The following IPO13 variants were observed in gnomAD, a reference collection of about 807,000 sequenced individuals.
IPO13 encodes the protein importin-13.
In IPO13, 28 loss-of-function variants were observed where a neutral mutation model predicts 115.5. The ratio of observed to expected loss-of-function variants is 0.24; its 90% CI spans 0.18 to 0.33. The LOEUF (loss-of-function observed/expected upper bound fraction) is 0.33, where lower values mean the gene tolerates loss of function less well. IPO13 is among the 10% of genes least tolerant of loss of function. IPO13 has a pLI of 1.00. For synonymous variants in IPO13, 414 were observed against 478.9 expected (o/e 0.86, Z 1.77); for missense variants, 785 against 1,204.6 (o/e 0.65, Z 5.16).
rs1217190768 is a variant in IPO13, at chr1:43,956,449, GA to G, written c.953del (p.Asn318ThrfsTer10). The G allele has an allele frequency of 6.2e-7, 1 of 1,614,170 alleles. No homozygotes were observed. Among genetic ancestry groups the G allele is most frequent in the Non-Finnish European group, 8.5e-7 (1 of 1,180,032 alleles). ...GTCGCATCGCTGTGGCCCTGGGCGAGAACCACTCCCGGTAAAGGGTGGAGCA... is the reference window on the plus strand; with the variant it reads ...GTCGCATCGCTGTGGCCCTGGGCGAGACCACTCCCGGTAAAGGGTGGAGCA... Reference protein sequence around the residue: ...ICRIAVALGENHSRALLDQVE... With the variant: ...ICRIAVALGEXHSRALLDQVE... On this transcript the variant is annotated frameshift_variant, in exon 3 of 20. Transcript: ENST00000372343. LOFTEE classifies it high-confidence loss of function. This position sits in a 1 kb window ranked among gnomAD's most constrained non-coding sequence, Gnocchi z 4.7.
Position 43,950,133 on chromosome 1 carries a change from C to CT in IPO13, c.802dup (p.Ser268PhefsTer4). On this transcript the variant is annotated frameshift_variant, in exon 2 of 20. Transcript: ENST00000372343. LOFTEE classifies it high-confidence loss of function. ...GTGTGGAGGCCATTGTGAATGCCAT[C>CT]TCACAGCCTGATGCCCAGAGGTGAG... The CT allele has an allele frequency of 6.2e-7, 1 of 1,610,756 alleles. No individual in the cohort carries two copies. The highest frequency in any genetic ancestry group is 8.5e-7 in the Non-Finnish European group (1 of 1,177,784).
In IPO13 at chr1:43,956,519, G is replaced by A; in HGVS notation, c.963-41G>A. The A allele has an allele frequency of 1.2e-6, 2 of 1,614,054 alleles. No individual in the cohort carries two copies. Among genetic ancestry groups the A allele is most frequent in the East Asian group, 4.5e-5 (2 of 44,884 alleles). Reference sequence around the variant, plus strand: ...GGGCCCTCTAAGAAATGGGGTTCTGGAAGTCCCTGGAAAGGTAGAATGACC... The same window carrying A: ...GGGCCCTCTAAGAAATGGGGTTCTGAAAGTCCCTGGAAAGGTAGAATGACC... On this transcript the variant is annotated intron_variant, in intron 3 of 19. Coordinates refer to ENST00000372343, the MANE Select transcript of IPO13 (RefSeq NM_014652.4). This position sits in a 1 kb window ranked among gnomAD's most constrained non-coding sequence, Gnocchi z 4.7.
Position 43,956,913 on chromosome 1 carries a change from TC to T in IPO13, c.1211del (p.Pro404LeufsTer123). ...GATGTGCTTCTGCACAAGGCCCAGT[TC>T]CCTTCTGATGAGGAATATGGATTCT... Reference protein sequence around the residue: ...LVDVLLHKAQFPSDEEYGFWS... With the variant: ...LVDVLLHKAQXPSDEEYGFWS... On this transcript the variant is annotated frameshift_variant, in exon 5 of 20. Transcript: ENST00000372343. LOFTEE classifies it high-confidence loss of function. This position sits in a 1 kb window ranked among gnomAD's most constrained non-coding sequence, Gnocchi z 4.7. 6.2e-7 allele frequency: 1 copy of T among 1,614,228 alleles called. No homozygotes were observed. Among genetic ancestry groups the T allele is most frequent in the Non-Finnish European group, 8.5e-7 (1 of 1,180,040 alleles).
chr1:43,963,884 T>C (rs1465039924), intron 14 of IPO13, among the ~76,000 whole-genome samples: 1 of 152,132 alleles, frequency 6.6e-6, no homozygotes, highest in Non-Finnish European at 1.5e-5. Flanking sequence ...GACTGGCTGA[T>C]GGGAGGTATG....
At chr1:43,951,059 G>C (rs941497214) in intron 2 of IPO13, among the ~76,000 whole-genome samples, 1 of 152,178 alleles carries the variant, frequency 6.6e-6, no homozygotes, top group Non-Finnish European at 1.5e-5. Context: ...GGAAGGGATT[G>C]GGGGAGGAAG....
rs747430591 is a variant in IPO13 at position 43,958,475 on chromosome 1, G to T, written c.1764G>T (p.Met588Ile). The change falls in exon 10 of 20, where the codon ATG becomes ATT. Residue 588 changes from methionine (M) to isoleucine (I), a missense_variant. By Grantham distance (10) the Met-to-Ile change is conservative. This residue lies in a region of IPO13 where 175 missense variants were observed against 360.0 expected (regional missense o/e 0.49). Transcript: ENST00000372343. This position sits in a 1 kb window ranked among gnomAD's most constrained non-coding sequence, Gnocchi z 6.3. ...CTGCCCCACAGACAAGCCAGTGCAT[G>T]TGGCTGATGCAGGCGCTGGGCTTCC... ...MKQIHKTSQCMWLMQALGFLL... is the reference protein window; with the variant it reads ...MKQIHKTSQCIWLMQALGFLL... The T allele has an allele frequency of 6.2e-7, 1 of 1,614,180 alleles. No individual in the cohort carries two copies. The highest frequency in any genetic ancestry group is 1.7e-5 in the Admixed American group (1 of 60,026).
In IPO13 at chr1:43,960,986, G is replaced by A; in HGVS notation, c.2220G>A (p.Gln740=). ...GTCGGATGTACAGCACCATCCCCCA[G>A]GCCTCTGCTCTTGACCTCACTCGAC... ...MLGRMYSTIP[Q]ASALDLTRQL... is the part of the protein sequence containing the mutation. Residue 740 remains glutamine (Q), a synonymous_variant, in exon 13 of 20, where the codon CAG becomes CAA. Transcript: ENST00000372343. 6.2e-7 allele frequency: 1 copy of A among 1,614,232 alleles called. No homozygotes were observed. Among genetic ancestry groups the A allele is most frequent in the South Asian group, 1.1e-5 (1 of 91,086 alleles).
In IPO13 at chr1:43,952,883, C is replaced by T. The variant is rs2085218739; in HGVS notation, c.821+2730C>T. ...TGGGAGTTATTATGATACTTATCCC[C>T]TGGCTTCCCAGGCTTTCCAGCTTAA... is the stretch of plus-strand genomic sequence containing the variant. On this transcript the variant is annotated intron_variant, in intron 2 of 19. Coordinates refer to ENST00000372343, the MANE Select transcript of IPO13 (RefSeq NM_014652.4). The surrounding 1 kb of genome is among the most constrained non-coding windows in gnomAD (Gnocchi z 4.7). Among the ~76,000 whole-genome samples, 1 of 152,218 alleles carries T rather than the reference C, an allele frequency of 6.6e-6. No homozygotes were observed. Among genetic ancestry groups the T allele is most frequent in the Non-Finnish European group, 1.5e-5 (1 of 68,044 alleles).
At position 43,967,555 on chromosome 1, in the gene IPO13, G is replaced by A; in HGVS notation, c.2796-31G>A. ...AGAGAGGGGGCAGTGGTGGTGGCTG[G>A]TGCTAACCTGCTCTCCCTTTTCTCC... On this transcript the variant is annotated intron_variant, in intron 19 of 19. Transcript: ENST00000372343. The surrounding 1 kb of genome is among the most constrained non-coding windows in gnomAD (Gnocchi z 6.1). The A allele has an allele frequency of 6.2e-7, 1 of 1,614,134 alleles. No individual in the cohort carries two copies. Among genetic ancestry groups the A allele is most frequent in the South Asian group, 1.1e-5 (1 of 91,088 alleles).
Position 43,956,641 on chromosome 1 carries a change from C to G in IPO13, c.1044C>G (p.Gly348=), listed in dbSNP as rs770201344. The G allele has an allele frequency of 1.9e-6, 3 of 1,614,218 alleles. No homozygotes were observed. The highest frequency in any genetic ancestry group is 2.5e-6 in the Non-Finnish European group (3 of 1,180,028). The part of the protein sequence containing the change: ...NMIMFCTGIP[G]HYPVNETTSS... The stretch of plus-strand genomic sequence containing the variant: ...TTATGTTCTGCACAGGCATCCCTGG[C>G]CACTATCCTGTCAATGAGACCACCA... The change falls in exon 4 of 20, where the codon GGC becomes GGG. Residue 348 remains glycine, a synonymous_variant. Transcript: ENST00000372343. This position sits in a 1 kb window ranked among gnomAD's most constrained non-coding sequence, Gnocchi z 4.7.
chr1:43,965,955 C>T (rs569255833), intron 15 of IPO13: 4 of 166,540 alleles, frequency 2.4e-5, no homozygotes, highest in South Asian at 3.0e-4. Flanking sequence ...TTCATCTCTT[C>T]CCCCTCACCC....
chr1:43,961,282 T>C lies in IPO13; in HGVS notation c.2344+20T>C. ...AGCAAGGTAGGTCCTGACCGGGGTC[T>C]CTGCTGCTGCTGCCACTGCCACTGC... On this transcript the variant is annotated intron_variant, in intron 14 of 19. Transcript: ENST00000372343. The C allele has an allele frequency of 6.3e-7, 1 of 1,577,426 alleles. No homozygotes were observed.
chr1:43,953,730 A>C (rs1464244018), intron 2 of IPO13, among the ~76,000 whole-genome samples: 1 of 151,600 alleles, frequency 6.6e-6, no homozygotes, highest in Non-Finnish European at 1.5e-5. Flanking sequence ...TTTTTTCCTG[A>C]ACTATGTTTT....
At chr1:43,963,062 A>T (rs1288082395) in intron 14 of IPO13, among the ~76,000 whole-genome samples, 2 of 152,194 alleles carry the variant, frequency 1.3e-5, no homozygotes, top group African/African-American at 4.8e-5. Flanking sequence ...ACTTTCTAGG[A>T]CTTAAATAAC....
chr1:43,967,647 G>A lies in IPO13; in HGVS notation c.2857G>A (p.Gly953Ser). 1 of 1,614,160 alleles carries A rather than the reference G, an allele frequency of 6.2e-7. No homozygotes were observed. Among genetic ancestry groups the A allele is most frequent in the South Asian group, 1.1e-5 (1 of 91,090 alleles). The change falls in exon 20 of 20, where the codon GGT becomes AGT. Residue 953 changes from glycine to serine, a missense_variant. Physicochemically the swap from Gly to Ser is moderately conservative, Grantham distance 56. Around this residue, in one of 3 missense-constraint regions of IPO13, gnomAD observed 285 missense variants for 394.8 expected, o/e 0.72. Coordinates refer to ENST00000372343, the MANE Select transcript of IPO13 (RefSeq NM_014652.4). The surrounding 1 kb of genome is among the most constrained non-coding windows in gnomAD (Gnocchi z 6.1). ...GAAGGAGTTCACACTGCTGTGCCGG[G>A]GTCTCCATGGCACAGATTACACAGC... ...MVKEFTLLCR[G>S]LHGTDYTADY
chr1:43,961,147 A>G lies in IPO13; in HGVS notation c.2248-19A>G. The stretch of plus-strand genomic sequence containing the variant: ...TGAGACTGGGTCTCAGCTGACCAGC[A>G]TTCCCTGCTTTCTCGTAGCTGGTCC... On this transcript the variant is annotated intron_variant, in intron 13 of 19. Transcript: ENST00000372343. 2 of 1,611,192 alleles carry G rather than the reference A, an allele frequency of 1.2e-6. No individual in the cohort carries two copies. Among genetic ancestry groups the G allele is most frequent in the South Asian group, 2.2e-5 (2 of 91,016 alleles).
chr1:43,949,557 G>A lies in IPO13; in HGVS notation c.225G>A (p.Gln75=). The part of the protein sequence containing the change: ...LLQPDKVPEI[Q]YFGASALHIK... ...AGCCCGACAAGGTACCAGAGATCCA[G>A]TACTTTGGGGCCAGTGCTCTTCACA... is the stretch of plus-strand genomic sequence containing the variant. Residue 75 remains glutamine (Q), a synonymous_variant, in exon 2 of 20, where the codon CAG becomes CAA. Coordinates refer to ENST00000372343, the MANE Select transcript of IPO13 (RefSeq NM_014652.4). 1 of 1,614,230 alleles carries A rather than the reference G, an allele frequency of 6.2e-7. No individual in the cohort carries two copies. The highest frequency in any genetic ancestry group is 2.2e-5 in the East Asian group (1 of 44,890).
chr1:43,962,865 G>A lies in IPO13; in HGVS notation c.2345-1404G>A, dbSNP rs74569769. Among the ~76,000 whole-genome samples the A allele has an allele frequency of 1.3e-3, 204 of 152,322 alleles. 1 individual carries two copies. Among genetic ancestry groups the A allele is most frequent in the African/African-American group, 4.7e-3 (194 of 41,558 alleles). On this transcript the variant is annotated intron_variant, in intron 14 of 19. Coordinates refer to ENST00000372343, the MANE Select transcript of IPO13 (RefSeq NM_014652.4). ...ACTAGACTTAAGCCCCTCAAGGGTA[G>A]GGTTGAGTTTCTTCTCTCTGCATCC...
chr1:43,949,101 G>C (rs1001800276), intron 1 of IPO13, among the ~76,000 whole-genome samples: 6 of 152,160 alleles, frequency 3.9e-5, no homozygotes, highest in South Asian at 2.1e-4. Context: ...CTTCCACCTG[G>C]GCCTTGCCCT....
Sources: allele counts gnomAD v4.1 joint callset (sites outside exome capture counted in the v4.1 genomes callset), GRCh38; gene constraint gnomAD v4.1.1; regional missense constraint gnomAD v4.1.1; non-coding constraint Gnocchi (gnomAD v3.1); transcripts MANE v1.5; gene names NCBI Gene and HGNC (gene_info 2026-07-23, HGNC 2026-07-21).